NCOA5: variants seen among roughly 807,000 people sequenced by gnomAD.
NCOA5 encodes the protein NCoA-5.
In NCOA5, 12 loss-of-function variants were observed where a neutral mutation model predicts 59.0. The observed-to-expected ratio is 0.20, with a 90% confidence interval of 0.13 to 0.33. The LOEUF (loss-of-function observed/expected upper bound fraction) is 0.33. Among genes scored for constraint, NCOA5 ranks in the 10% least tolerant of loss-of-function variants. The pLI, the probability that NCOA5 is intolerant of heterozygous loss-of-function variation, is 1.00. For synonymous variants in NCOA5, 270 were observed against 275.5 expected, an observed-to-expected ratio of 0.98 and a Z score of 0.20; for missense variants, 655 against 766.6, an observed-to-expected ratio of 0.85 and a Z score of 1.72.
intron 4 of NCOA5, 24 bp downstream of exon 4, chr20:46,068,478 A>G: frequency 1.2e-6 from 2 of 1,602,608 alleles, no homozygotes; most frequent in Non-Finnish European, 8.5e-7. Flanking sequence ...CAATAATAGG[A>G]ATAGACTGTT....
intron 5 of NCOA5, among the ~76,000 whole-genome samples, chr20:46,066,049 A>T (rs1173527542): frequency 6.6e-6 from 1 of 152,214 alleles, no homozygotes; most frequent in Non-Finnish European, 1.5e-5. Flanking sequence ...TGAACAAGAC[A>T]GCCAAGAGCC....
chr20:46,071,950 C>A (rs560478456), intron 2 of NCOA5, among the ~76,000 whole-genome samples: 1 of 152,284 alleles, frequency 6.6e-6, no homozygotes, highest in South Asian at 2.1e-4. Flanking sequence ...CTCCGTAAAA[C>A]CTGCCCTGAA....
chr20:46,076,592 C>T (rs2084941063), intron 2 of NCOA5, among the ~76,000 whole-genome samples: 2 of 147,992 alleles, frequency 1.4e-5, no homozygotes, highest in African/African-American at 5.0e-5. Context: ...AGGTAAAAAA[C>T]TGGGACTCTT....
intron 1 of NCOA5, among the ~76,000 whole-genome samples, chr20:46,089,025 A>G (rs2085071829): frequency 6.6e-6 from 1 of 152,250 alleles, no homozygotes; most frequent in East Asian, 1.9e-4. Context: ...TTTTTAAAAA[A>G]TGTAACATTT....
chr20:46,064,071 T>A (rs1300361065), intron 6 of NCOA5, among the ~76,000 whole-genome samples: 1 of 152,206 alleles, frequency 6.6e-6, no homozygotes, highest in Non-Finnish European at 1.5e-5. Flanking sequence ...AGCAGGGCTC[T>A]CCACTGTGCT....
intron 1 of NCOA5, among the ~76,000 whole-genome samples, chr20:46,080,326 GAC>G (rs908525762): frequency 6.6e-6 from 1 of 152,220 alleles, no homozygotes; most frequent in East Asian, 1.9e-4. Flanking sequence ...AATAATACCT[GAC>G]AGTTTTCATA....
At chr20:46,069,944 G>A (rs977043996) in intron 3 of NCOA5, among the ~76,000 whole-genome samples, 2 of 152,062 alleles carry the variant, frequency 1.3e-5, no homozygotes, top group African/African-American at 4.8e-5. Flanking sequence ...TTTCCATAGT[G>A]GCTATACCAA....
At chr20:46,079,913 T>C (rs1434113715) in intron 1 of NCOA5, among the ~76,000 whole-genome samples, 1 of 152,242 alleles carries the variant, frequency 6.6e-6, no homozygotes, top group African/African-American at 2.4e-5. Flanking sequence ...CTGGATTTCA[T>C]TGTCTTAAAA....
At position 46,065,121 on chromosome 20, in the gene NCOA5, C is replaced by A; in HGVS notation, c.737G>T (p.Ser246Ile). Residue 246 changes from serine (S) to isoleucine (I), a missense_variant, in exon 6 of 8, where the codon AGC (serine) becomes ATC (isoleucine). By Grantham distance (142) the Ser-to-Ile change is moderately radical. Transcript: ENST00000290231. Reference sequence around the variant, plus strand: ...AATAGCAAAAGGAGAACCTCCCCTGCTAACATCCTCCAAGGCTTGTGACAG... The same window carrying A: ...AATAGCAAAAGGAGAACCTCCCCTGATAACATCCTCCAAGGCTTGTGACAG... ...VSLSQALEDV[S>I]RGGSPFAIVI... 6.2e-7 allele frequency: 1 copy of A among 1,614,188 alleles called. No homozygotes were observed. The highest frequency in any genetic ancestry group is 2.2e-5 in the East Asian group (1 of 44,882).
At chr20:46,089,436 G>A (rs1009266209) in intron 1 of NCOA5, among the ~76,000 whole-genome samples, 12 of 152,360 alleles carry the variant, frequency 7.9e-5, no homozygotes, top group East Asian at 1.9e-4. Context: ...CTGACTCGCT[G>A]AGGACCCGCG....
In NCOA5 at chr20:46,063,369, A is replaced by T. The variant is rs1313173302; in HGVS notation, c.1141T>A (p.Ser381Thr). Reference protein sequence around the residue: ...KERLMRSSTDSLPGPISRQPL... With the variant: ...KERLMRSSTDTLPGPISRQPL... ...CTGCCACGTAGCTCACCAGGCAGAGAGTCGGTGCTGCTCCTCATCAGCCGC... is the reference window on the plus strand; with the variant it reads ...CTGCCACGTAGCTCACCAGGCAGAGTGTCGGTGCTGCTCCTCATCAGCCGC... The change falls in exon 7 of 8, where the codon TCT becomes ACT. Residue 381 changes from serine to threonine, a missense_variant. This residue lies in a region of NCOA5 where 325 missense variants were observed against 353.2 expected (regional missense o/e 0.92). Coordinates refer to ENST00000290231, the MANE Select transcript of NCOA5 (RefSeq NM_020967.3). The T allele has an allele frequency of 6.2e-7, 1 of 1,612,524 alleles. No homozygotes were observed. The highest frequency in any genetic ancestry group is 8.5e-7 in the Non-Finnish European group (1 of 1,179,988).
chr20:46,072,813 A>G (rs1288965078), intron 2 of NCOA5, among the ~76,000 whole-genome samples: 2 of 152,190 alleles, frequency 1.3e-5, no homozygotes, highest in Non-Finnish European at 2.9e-5. Flanking sequence ...GTCATTTATC[A>G]CAAATTGACA....
In NCOA5 at chr20:46,067,189, A is replaced by C. The variant is rs1445559499; in HGVS notation, c.503-8T>G. 12 of 1,611,018 alleles carry C rather than the reference A, an allele frequency of 7.4e-6. No homozygotes were observed. The highest frequency in any genetic ancestry group is 1.1e-5 in the South Asian group (1 of 90,392). On this transcript the variant is annotated splice_region_variant and splice_polypyrimidine_tract_variant and intron_variant, in intron 4 of 7. Transcript: ENST00000290231. The stretch of plus-strand genomic sequence containing the variant: ...CCTCACGTTTCAAACGCTCTGCAAA[A>C]CACCACCAGGGTAAACTGAAATAAG...
intron 2 of NCOA5, among the ~76,000 whole-genome samples, chr20:46,078,664 T>C (rs1458118522): frequency 6.6e-6 from 1 of 150,444 alleles, no homozygotes; most frequent in African/African-American, 2.5e-5. Flanking sequence ...CCAGAACAAT[T>C]GAATACAGTA....
chr20:46,080,521 T>C (rs944990559), intron 1 of NCOA5, among the ~76,000 whole-genome samples: 41 of 152,176 alleles, frequency 2.7e-4, no homozygotes, highest in Admixed American at 2.6e-3. Context: ...ATAATAATTA[T>C]GTATTTTAAA....
Position 46,062,445 on chromosome 20 carries a change from C to T in NCOA5, c.1595G>A (p.Gly532Asp), listed in dbSNP as rs1194227421. 6 of 1,613,958 alleles carry T rather than the reference C, an allele frequency of 3.7e-6. No homozygotes were observed. Among genetic ancestry groups the T allele is most frequent in the Non-Finnish European group, 8.5e-7 (1 of 1,180,018 alleles). The change falls in exon 8 of 8, where the codon GGT becomes GAT. Residue 532 changes from glycine to aspartate, a missense_variant. By Grantham distance (94) the Gly-to-Asp change is moderately conservative (BLOSUM62 -1). This residue lies in a region of NCOA5 where 325 missense variants were observed against 353.2 expected (regional missense o/e 0.92). Transcript: ENST00000290231. ...MTSQRPVSST[G>D]INFDNPSVQK... is the part of the protein sequence containing the mutation. ...TACACTTGGATTGTCAAAGTTGATA[C>T]CTGTGGAAGACACAGGCCTCTGGCT...
rs745977805 is a variant in NCOA5 at position 46,063,618 on chromosome 20, T to G, written c.892A>C (p.Lys298Gln). 1 of 1,614,048 alleles carries G rather than the reference T, an allele frequency of 6.2e-7. No homozygotes were observed. The highest frequency in any genetic ancestry group is 2.2e-5 in the East Asian group (1 of 44,880). The change falls in exon 7 of 8, where the codon AAG becomes CAG. Residue 298 changes from lysine (K) to glutamine (Q), a missense_variant. Coordinates refer to ENST00000290231, the MANE Select transcript of NCOA5 (RefSeq NM_020967.3). ...VLVARNYERYKNECREKEREE... is the reference protein window; with the variant it reads ...VLVARNYERYQNECREKEREE... ...CGTTCCTTCTCCCGGCACTCATTCTTGTAACGCTCATAATTTCTGGCCACC... is the reference window on the plus strand; with the variant it reads ...CGTTCCTTCTCCCGGCACTCATTCTGGTAACGCTCATAATTTCTGGCCACC...
intron 1 of NCOA5, among the ~76,000 whole-genome samples, chr20:46,081,468 A>G (rs2084991472): frequency 6.6e-6 from 1 of 152,160 alleles, no homozygotes; most frequent in Admixed American, 6.5e-5. Context: ...TAAATATTTT[A>G]CTTTGAAGCT....
intron 1 of NCOA5, among the ~76,000 whole-genome samples, chr20:46,080,446 CAATT>C (rs1334583220): frequency 3.9e-5 from 6 of 152,138 alleles, no homozygotes; most frequent in East Asian, 1.9e-4. Context: ...CCGTATTAAA[CAATT>C]AATAGTGTAT....
Sources: gnomAD v4.1 joint callset for allele counts (sites outside exome capture counted in the v4.1 genomes callset) on GRCh38, gnomAD v4.1.1 for gene constraint, gnomAD v4.1.1 regional missense constraint, MANE v1.5 for transcripts, NCBI Gene and HGNC (gene_info 2026-07-23, HGNC 2026-07-21) for gene names.